STX8: variants seen among roughly 807,000 people sequenced by gnomAD.
STX8 encodes the protein syntaxin 8.
Under a neutral mutation model 37.5 loss-of-function variants are expected in STX8, and 23 were observed. That is an observed-to-expected ratio of 0.61 (90% CI 0.44 to 0.87). The LOEUF is 0.87. Ranked by LOEUF, STX8 falls within the 40% of genes least tolerant of loss-of-function variation. STX8 has a pLI of 0.00. For missense variants in STX8, 313 were observed against 284.7 expected (o/e 1.10, Z -0.71); for synonymous variants, 115 against 99.1 (o/e 1.16, Z -0.95).
At chr17:9,263,044 A>G (rs1462331767) in intron 7 of STX8, among the ~76,000 whole-genome samples, 1 of 152,216 alleles carries the variant, frequency 6.6e-6, no homozygotes, top group Non-Finnish European at 1.5e-5. Flanking sequence ...TTGAAAGGAT[A>G]GTCCCAAGAT....
intron 7 of STX8, among the ~76,000 whole-genome samples, chr17:9,300,276 A>G (rs1018119387): frequency 1.4e-5 from 2 of 140,294 alleles, no homozygotes; most frequent in Non-Finnish European, 3.0e-5. Context: ...GGTTGCGGTG[A>G]GCCACGGTGG....
intron 6 of STX8, among the ~76,000 whole-genome samples, chr17:9,430,183 A>AAATATAAATTATATATAATTTATAT (rs1567557493): frequency 9.9e-4 from 111 of 111,612 alleles, no homozygotes; most frequent in African/African-American, 4.8e-3. Context: ...TTTATATATA[A>AAATATAAATTATATATAATTTATAT]ATAAAATATA....
At chr17:9,415,998 T>A (rs1446200108) in intron 6 of STX8, among the ~76,000 whole-genome samples, 11 of 152,184 alleles carry the variant, frequency 7.2e-5, no homozygotes, top group Admixed American at 7.2e-4. Context: ...TTCTCCTGGA[T>A]TTATTTACAA....
intron 2 of STX8, among the ~76,000 whole-genome samples, chr17:9,558,835 A>C (rs906899707): frequency 3.9e-5 from 6 of 152,020 alleles, no homozygotes; most frequent in Non-Finnish European, 5.9e-5. Flanking sequence ...AAAAAAAAAA[A>C]AGATAAAAGG....
chr17:9,449,516 G>A (rs1458851091), intron 6 of STX8, among the ~76,000 whole-genome samples: 1 of 152,136 alleles, frequency 6.6e-6, no homozygotes, highest in Non-Finnish European at 1.5e-5. Context: ...AGCCGAGATG[G>A]AGCCACTGCA....
chr17:9,405,989 T>C (rs992439939), intron 6 of STX8, among the ~76,000 whole-genome samples: 1 of 152,216 alleles, frequency 6.6e-6, no homozygotes, highest in Non-Finnish European at 1.5e-5. Context: ...CTTATAGCAA[T>C]CCTGCACTAC....
intron 6 of STX8, among the ~76,000 whole-genome samples, chr17:9,453,272 T>C (rs2142405520): frequency 6.6e-6 from 1 of 152,168 alleles, no homozygotes; most frequent in South Asian, 2.1e-4. Flanking sequence ...TCAAGGAAGA[T>C]CATTATGAAT....
intron 7 of STX8, among the ~76,000 whole-genome samples, chr17:9,350,385 G>A (rs1910666097): frequency 6.6e-6 from 1 of 152,244 alleles, no homozygotes; most frequent in African/African-American, 2.4e-5. Flanking sequence ...ACTGTGGAAA[G>A]CAAGACCAAG....
At chr17:9,337,730 C>G (rs889347588) in intron 7 of STX8, among the ~76,000 whole-genome samples, 8 of 152,170 alleles carry the variant, frequency 5.3e-5, no homozygotes, top group African/African-American at 1.9e-4. Flanking sequence ...GACATACCAT[C>G]CCAAATCAAC....
At chr17:9,422,870 C>T (rs1465530339) in intron 6 of STX8, among the ~76,000 whole-genome samples, 4 of 152,168 alleles carry the variant, frequency 2.6e-5, no homozygotes, top group South Asian at 2.1e-4. Flanking sequence ...ATCACTGAAG[C>T]GCTGTTTAGG....
intron 6 of STX8, among the ~76,000 whole-genome samples, chr17:9,439,532 ATTT>A (rs750040200): frequency 1.5e-5 from 2 of 131,056 alleles, no homozygotes; most frequent in Non-Finnish European, 1.7e-5. Flanking sequence ...CTGCCATATA[ATTT>A]TTTTTTTTTT....
chr17:9,401,778 A>G (rs1265607600), intron 6 of STX8, among the ~76,000 whole-genome samples: 1 of 152,342 alleles, frequency 6.6e-6, no homozygotes, highest in Admixed American at 6.5e-5. Context: ...GTTCCATGAC[A>G]TCTGTCAGTT....
chr17:9,340,917 A>G (rs2142231270), intron 7 of STX8, among the ~76,000 whole-genome samples: 1 of 149,970 alleles, frequency 6.7e-6, no homozygotes, highest in South Asian at 2.1e-4. Context: ...TCGGCCTCTC[A>G]AAGTGCTGGG....
intron 7 of STX8, among the ~76,000 whole-genome samples, chr17:9,372,254 A>G (rs553079366): frequency 6.6e-6 from 1 of 151,862 alleles, no homozygotes; most frequent in Non-Finnish European, 1.5e-5. Context: ...CTCAGTGCCA[A>G]CGCTGCCCTT....
chr17:9,527,185 C>CAAAAAAAAAAAAAAAAAAAAAAAAAA (rs61665330), intron 4 of STX8, among the ~76,000 whole-genome samples: 1 of 49,628 alleles, frequency 2.0e-5, no homozygotes, highest in African/African-American at 9.7e-5. Context: ...GACTCCGTCT[C>CAAAAAAAAAAAAAAAAAAAAAAAAAA]AAAAAAAAAA....
chr17:9,323,331 T>G (rs1256021925), intron 7 of STX8, among the ~76,000 whole-genome samples: 1 of 152,150 alleles, frequency 6.6e-6, no homozygotes, highest in Non-Finnish European at 1.5e-5. Context: ...AAAGACTACA[T>G]AGCAATAAGA....
chr17:9,304,413 C>T (rs2142181757), intron 7 of STX8, among the ~76,000 whole-genome samples: 1 of 149,784 alleles, frequency 6.7e-6, no homozygotes. Context: ...GTAATCCCAG[C>T]TACTCGGGAG....
intron 6 of STX8, among the ~76,000 whole-genome samples, chr17:9,415,735 C>G (rs1237633884): frequency 6.6e-6 from 1 of 152,186 alleles, no homozygotes; most frequent in Non-Finnish European, 1.5e-5. Flanking sequence ...CGCCACTGCA[C>G]TCCAGCCTGA....
At chr17:9,322,475 G>A (rs1158677278) in intron 7 of STX8, among the ~76,000 whole-genome samples, 2 of 152,212 alleles carry the variant, frequency 1.3e-5, no homozygotes, top group Non-Finnish European at 2.9e-5. Flanking sequence ...TGAGGACCAA[G>A]CCCAGCAGGG....
Sources: allele counts gnomAD v4.1 joint callset (sites outside exome capture counted in the v4.1 genomes callset), GRCh38; gene constraint gnomAD v4.1.1; transcripts MANE v1.5; gene names NCBI Gene and HGNC (gene_info 2026-07-23, HGNC 2026-07-21).